Variants in BANK1 observed in about 807,000 individuals in gnomAD.
The protein encoded by BANK1 is B cell scaffold protein with ankyrin repeats 1, also known as B-cell scaffold protein with ankyrin repeats.
In BANK1, 95 loss-of-function variants were observed where a neutral mutation model predicts 94.5. That is an observed-to-expected ratio of 1.00 (90% CI 0.85 to 1.19). BANK1 has a LOEUF of 1.19. BANK1 is among the 50% of genes most tolerant of loss of function. BANK1 has a pLI of 0.00. For synonymous variants in BANK1, 334 were observed against 308.4 expected (o/e 1.08, Z -0.87); for missense variants, 987 against 932.2 (o/e 1.06, Z -0.77).
chr4:101,909,479 C>CA (rs1722583884), intron 6 of BANK1, among the ~76,000 whole-genome samples: 1 of 152,176 alleles, frequency 6.6e-6, no homozygotes, highest in Non-Finnish European at 1.5e-5. Context: ...CAACATGGCA[C>CA]ATGTATACAT....
chr4:101,876,056 T>C (rs1728478908), intron 5 of BANK1, among the ~76,000 whole-genome samples: 2 of 152,234 alleles, frequency 1.3e-5, no homozygotes, highest in South Asian at 4.1e-4. Flanking sequence ...GCATATAGGA[T>C]ACCAGCTCAG....
intron 1 of BANK1, among the ~76,000 whole-genome samples, chr4:101,822,770 C>A (rs953312583): frequency 6.6e-6 from 1 of 152,048 alleles, no homozygotes; most frequent in Non-Finnish European, 1.5e-5. Context: ...TGTCCGCCAC[C>A]ACGCCCCACT....
chr4:102,062,684 C>G (rs1161149174), intron 12 of BANK1: 1 of 166,082 alleles, frequency 6.0e-6, no homozygotes, highest in East Asian at 1.7e-4. Flanking sequence ...AGCAAACCAT[C>G]ACTATGTAGC....
At chr4:102,035,629 C>CA (rs1431782033) in intron 10 of BANK1, among the ~76,000 whole-genome samples, 1 of 135,098 alleles carries the variant, frequency 7.4e-6, no homozygotes, top group Non-Finnish European at 1.5e-5. Context: ...GCCTGGGTGA[C>CA]AGAGCGAGAC....
At chr4:102,003,012 C>T (rs1726130438) in intron 7 of BANK1, among the ~76,000 whole-genome samples, 1 of 152,170 alleles carries the variant, frequency 6.6e-6, no homozygotes. Flanking sequence ...CCGCCCACCT[C>T]GGCCTCCCAA....
In BANK1 at chr4:101,876,478, A is replaced by T. The variant is rs185304495; in HGVS notation, c.903+5834A>T. ...GGCAGTACCTCTATGAGTCTGGAAG[A>T]ACTACAATGTTACTAGGCTTAGGAT... On this transcript the variant is annotated intron_variant, in intron 5 of 16. Coordinates refer to ENST00000322953, the MANE Select transcript of BANK1 (RefSeq NM_017935.5). Among the ~76,000 whole-genome samples the T allele has an allele frequency of 2.1e-4, 32 of 152,304 alleles. 1 individual carries two copies. Among genetic ancestry groups the T allele is most frequent in the South Asian group, 1.7e-3 (8 of 4,822 alleles).
chr4:102,059,481 A>T (rs1728341120), intron 11 of BANK1, among the ~76,000 whole-genome samples: 1 of 152,200 alleles, frequency 6.6e-6, no homozygotes, highest in Non-Finnish European at 1.5e-5. Context: ...GCAGTAACCT[A>T]GAGAGTACAT....
chr4:101,943,405 T>G (rs1354754749), intron 7 of BANK1, among the ~76,000 whole-genome samples: 1 of 151,656 alleles, frequency 6.6e-6, no homozygotes, highest in African/African-American at 2.4e-5. Flanking sequence ...ACTGAGGTAG[T>G]GACAGAGGGG....
chr4:101,922,627 A>C (rs752260578), intron 7 of BANK1, among the ~76,000 whole-genome samples: 1 of 151,832 alleles, frequency 6.6e-6, no homozygotes, highest in Non-Finnish European at 1.5e-5. Flanking sequence ...CTATACTTGG[A>C]ATTTTTTTAA....
At chr4:101,848,986 A>G (rs1313526775) in intron 2 of BANK1, among the ~76,000 whole-genome samples, 1 of 152,170 alleles carries the variant, frequency 6.6e-6, no homozygotes, top group East Asian at 1.9e-4. Context: ...CACGGAGGCA[A>G]CTGGGGCTGG....
intron 13 of BANK1, among the ~76,000 whole-genome samples, chr4:102,064,617 T>C (rs1226961559): frequency 6.6e-6 from 1 of 152,238 alleles, no homozygotes; most frequent in African/African-American, 2.4e-5. Context: ...TAATTATGAA[T>C]CAATTAGTTC....
Position 102,025,455 on chromosome 4 carries a change from C to T in BANK1, c.1540C>T (p.Pro514Ser). ...GAGCAGCAGACCTCCTCTCCCCCCG[C>T]CGCGACCTGTAGCTAATGCCTTCCA... ...LMSSRPPLPP[P>S]RPVANAFQLE... The change falls in exon 9 of 17, where the codon CCG becomes TCG. Residue 514 changes from proline to serine, a missense_variant. Coordinates refer to ENST00000322953, the MANE Select transcript of BANK1 (RefSeq NM_017935.5). 1 of 1,614,086 alleles carries T rather than the reference C, an allele frequency of 6.2e-7. No individual in the cohort carries two copies. The highest frequency in any genetic ancestry group is 1.3e-5 in the African/African-American group (1 of 74,998).
chr4:101,908,689 T>A (rs1384232091), intron 6 of BANK1, among the ~76,000 whole-genome samples: 2 of 151,972 alleles, frequency 1.3e-5, no homozygotes, highest in Non-Finnish European at 2.9e-5. Context: ...GAATCTACAA[T>A]GAACTCAAAC....
At chr4:101,897,933 A>G (rs1722146956) in intron 6 of BANK1, among the ~76,000 whole-genome samples, 1 of 152,006 alleles carries the variant, frequency 6.6e-6, no homozygotes, top group African/African-American at 2.4e-5. Flanking sequence ...GTTTTGAACC[A>G]TCACTATAAT....
At chr4:102,052,622 A>G (rs1370095777) in intron 11 of BANK1, among the ~76,000 whole-genome samples, 1 of 152,150 alleles carries the variant, frequency 6.6e-6, no homozygotes, top group East Asian at 1.9e-4. Flanking sequence ...ACACACACAC[A>G]CTAAGCACTG....
intron 7 of BANK1, among the ~76,000 whole-genome samples, chr4:102,012,512 A>C (rs867211180): frequency 2.0e-5 from 3 of 152,198 alleles, no homozygotes; most frequent in Admixed American, 6.5e-5. Flanking sequence ...TAATTTGTCA[A>C]ATAACACTTA....
At chr4:101,851,087 G>A (rs897290037) in intron 2 of BANK1, among the ~76,000 whole-genome samples, 2 of 152,144 alleles carry the variant, frequency 1.3e-5, no homozygotes, top group African/African-American at 4.8e-5. Context: ...CATGTTAAAA[G>A]CCAATATAGG....
chr4:101,947,755 T>A (rs1280297832), intron 7 of BANK1, among the ~76,000 whole-genome samples: 1 of 152,038 alleles, frequency 6.6e-6, no homozygotes, highest in Non-Finnish European at 1.5e-5. Context: ...TTATTTTCTT[T>A]TACCCCTACC....
At chr4:101,929,432 C>T (rs910658226) in intron 7 of BANK1, among the ~76,000 whole-genome samples, 11 of 151,592 alleles carry the variant, frequency 7.3e-5, no homozygotes, top group African/African-American at 2.4e-4. Flanking sequence ...ATATTTTAAA[C>T]ACTTTGAAAG....
Sources: gnomAD v4.1 joint callset for allele counts (sites outside exome capture counted in the v4.1 genomes callset) on GRCh38, gnomAD v4.1.1 for gene constraint, MANE v1.5 for transcripts, NCBI Gene and HGNC (gene_info 2026-07-23, HGNC 2026-07-21) for gene names.